ASTN2: variants seen among roughly 807,000 people sequenced by gnomAD.
ASTN2 encodes the protein astrotactin 2.
Under a neutral mutation model 139.8 loss-of-function variants are expected in ASTN2, and 54 were observed. The observed-to-expected ratio is 0.39, with a 90% confidence interval of 0.31 to 0.48. ASTN2 has a LOEUF of 0.48. ASTN2 is among the 20% of genes least tolerant of loss of function. The pLI is 0.95. For missense variants in ASTN2, 1,565 were observed against 1,725.1 expected (o/e 0.91, Z 1.64); for synonymous variants, 756 against 719.5 (o/e 1.05, Z -0.81).
Position 117,414,590 on chromosome 9 carries a change from A to C in ASTN2, c.349T>G (p.Ser117Ala). 1.3e-6 allele frequency: 2 copies of C among 1,573,124 alleles called. No individual in the cohort carries two copies. The highest frequency in any genetic ancestry group is 1.1e-5 in the South Asian group (1 of 88,488). ...TTACGCACAAAGAGCAGGAGGCGCG[A>C]CTCGGCGGCGGTGCCGGCAGAGCCA... ...SPGSAGTAAE[S>A]RLLLFVRNEL... The change falls in exon 1 of 23, where the codon TCG becomes GCG. Residue 117 changes from serine (S) to alanine (A), a missense_variant. This residue lies in a region of ASTN2 where 596 missense variants were observed against 576.8 expected (regional missense o/e 1.03). Coordinates refer to ENST00000313400, the MANE Select transcript of ASTN2 (RefSeq NM_001365068.1). This position sits in a 1 kb window ranked among gnomAD's most constrained non-coding sequence, Gnocchi z 4.2.
intron 10 of ASTN2, among the ~76,000 whole-genome samples, chr9:116,938,942 T>C (rs1362305564): frequency 6.6e-6 from 1 of 152,208 alleles, no homozygotes; most frequent in Non-Finnish European, 1.5e-5. Context: ...CCAAACACTG[T>C]GTTAAGATTT....
intron 5 of ASTN2, among the ~76,000 whole-genome samples, chr9:117,065,101 G>A (rs1827894825): frequency 6.6e-6 from 1 of 152,124 alleles, no homozygotes; most frequent in Non-Finnish European, 1.5e-5. Context: ...AACAGGGATT[G>A]GAGCAATGCA....
At chr9:117,213,731 A>C (rs1832217934) in intron 3 of ASTN2, among the ~76,000 whole-genome samples, 1 of 152,194 alleles carries the variant, frequency 6.6e-6, no homozygotes, top group African/African-American at 2.4e-5. Flanking sequence ...TCCTGCCTTG[A>C]GGAAGAAGAG....
intron 19 of ASTN2, among the ~76,000 whole-genome samples, chr9:116,545,403 TC>T (rs2119373539): frequency 6.6e-6 from 1 of 152,342 alleles, no homozygotes; most frequent in Admixed American, 6.5e-5. Flanking sequence ...CTTTTTCATT[TC>T]CTTAAAGCAG....
At chr9:116,847,900 A>C (rs552039319) in intron 11 of ASTN2, among the ~76,000 whole-genome samples, 1 of 152,290 alleles carries the variant, frequency 6.6e-6, no homozygotes, top group South Asian at 2.1e-4. Context: ...ATGTAAGAGA[A>C]CTTCCCAAGA....
chr9:116,930,470 C>A (rs1356647422), intron 10 of ASTN2, among the ~76,000 whole-genome samples: 1 of 151,890 alleles, frequency 6.6e-6, no homozygotes, highest in East Asian at 1.9e-4. Flanking sequence ...GGGATGGCAC[C>A]CAAGATTGGG....
chr9:116,981,091 A>G (rs1038301012), intron 7 of ASTN2, among the ~76,000 whole-genome samples: 2 of 152,190 alleles, frequency 1.3e-5, no homozygotes, highest in Admixed American at 6.5e-5. Flanking sequence ...TGCTAAATAG[A>G]TGAAGGGATA....
intron 19 of ASTN2, among the ~76,000 whole-genome samples, chr9:116,506,993 T>C (rs1280618200): frequency 6.6e-6 from 1 of 152,166 alleles, no homozygotes; most frequent in Non-Finnish European, 1.5e-5. Context: ...TTAAGGAAGA[T>C]GGCATAGAAA....
intron 6 of ASTN2, 56 bp downstream of exon 6, chr9:117,039,763 G>T (rs1838497616): frequency 5.8e-6 from 9 of 1,557,202 alleles, no homozygotes; most frequent in Non-Finnish European, 7.8e-6. Context: ...CCTTTGACCA[G>T]TCAGGGGTGC....
At chr9:116,773,368 A>G (rs1830003375) in intron 13 of ASTN2, among the ~76,000 whole-genome samples, 1 of 152,200 alleles carries the variant, frequency 6.6e-6, no homozygotes, top group Non-Finnish European at 1.5e-5. Context: ...TAAAGTTTAT[A>G]TTCCTGCCAA....
At chr9:117,046,903 T>C (rs992307231) in intron 5 of ASTN2, among the ~76,000 whole-genome samples, 1 of 152,200 alleles carries the variant, frequency 6.6e-6, no homozygotes, top group Non-Finnish European at 1.5e-5. Flanking sequence ...GGAATGCTGC[T>C]ATTGGTATTT....
At chr9:116,662,183 C>T (rs1420978463) in intron 16 of ASTN2, among the ~76,000 whole-genome samples, 2 of 152,072 alleles carry the variant, frequency 1.3e-5, no homozygotes, top group East Asian at 1.9e-4. Context: ...AGCCACAGCC[C>T]TGCATGTGAC....
chr9:116,507,401 G>A (rs1425824280), intron 19 of ASTN2, among the ~76,000 whole-genome samples: 1 of 152,130 alleles, frequency 6.6e-6, no homozygotes. Flanking sequence ...CACAGGAGGA[G>A]AAAAACAGAG....
chr9:116,572,992 C>T (rs79045011), intron 19 of ASTN2, among the ~76,000 whole-genome samples: 124 of 149,988 alleles, frequency 8.3e-4, no homozygotes, highest in Admixed American at 2.6e-3. Context: ...TGGGTACATG[C>T]GTGCACACAT....
At chr9:116,662,125 G>A (rs897205549) in intron 16 of ASTN2, among the ~76,000 whole-genome samples, 1 of 152,042 alleles carries the variant, frequency 6.6e-6, no homozygotes, top group African/African-American at 2.4e-5. Flanking sequence ...TTGAGTACAA[G>A]TAGAGGAGCT....
rs376840873 is a variant in ASTN2 at position 117,365,253 on chromosome 9, G to A, written c.442+49244C>T. Among the ~76,000 whole-genome samples, 22 of 134,342 alleles carry A rather than the reference G, an allele frequency of 1.6e-4. No individual in the cohort carries two copies. The East Asian group carries it at 3.3e-3, about 20-fold the overall frequency. The allele number at this position is 134,342 out of a possible 152,430, so 88.1% of individuals were successfully genotyped here. On this transcript the variant is annotated intron_variant, in intron 1 of 22. Transcript: ENST00000313400. ...AGAAAGCAAGAAAGAAAGAGAGAGA[G>A]AAACAGAGAGAAAAAAAGACAGAAA...
intron 21 of ASTN2, among the ~76,000 whole-genome samples, chr9:116,441,336 T>C (rs1045844737): frequency 6.6e-6 from 1 of 151,966 alleles, no homozygotes; most frequent in African/African-American, 2.4e-5. Flanking sequence ...CAATACATCA[T>C]GAGTAGAAGG....
At chr9:116,745,628 C>A (rs1370194512) in intron 13 of ASTN2, among the ~76,000 whole-genome samples, 1 of 152,202 alleles carries the variant, frequency 6.6e-6, no homozygotes, top group East Asian at 1.9e-4. Flanking sequence ...TCCCCACAGT[C>A]TGATTCCAGG....
intron 11 of ASTN2, among the ~76,000 whole-genome samples, chr9:116,860,291 A>C (rs1468017253): frequency 2.0e-5 from 3 of 152,202 alleles, no homozygotes; most frequent in Non-Finnish European, 4.4e-5. Context: ...ACGTAATAGA[A>C]CATTAGATAC....
Sources: gnomAD v4.1 joint callset for allele counts (sites outside exome capture counted in the v4.1 genomes callset) on GRCh38, gnomAD v4.1.1 for gene constraint, gnomAD v4.1.1 regional missense constraint, Gnocchi (gnomAD v3.1) non-coding constraint, MANE v1.5 for transcripts, NCBI Gene and HGNC (gene_info 2026-07-23, HGNC 2026-07-21) for gene names.